KIF26B: variants seen among roughly 807,000 people sequenced by gnomAD.
The protein encoded by KIF26B is kinesin-like protein KIF26B.
A neutral mutation model predicts 151.2 loss-of-function variants in KIF26B; 63 were observed. That is an observed-to-expected ratio of 0.42 (90% CI 0.34 to 0.51). The LOEUF is 0.51. KIF26B is among the 20% of genes least tolerant of loss of function. KIF26B has a pLI of 0.07. For missense variants in KIF26B, 2,813 were observed against 2,913.6 expected, an observed-to-expected ratio of 0.97 and a Z score of 0.79; for synonymous variants, 1,357 against 1,262.1, an observed-to-expected ratio of 1.08 and a Z score of -1.59.
rs184225095 is a variant in KIF26B, at chr1:245,563,269, C to T, written c.1350+22319C>T. Among the ~76,000 whole-genome samples, 10 of 152,306 alleles carry T rather than the reference C, an allele frequency of 6.6e-5. No individual in the cohort carries two copies. The highest frequency in any genetic ancestry group is 2.4e-4 in the African/African-American group (10 of 41,562). On this transcript the variant is annotated intron_variant, in intron 5 of 14. Coordinates refer to ENST00000407071, the MANE Select transcript of KIF26B (RefSeq NM_018012.4). The surrounding 1 kb of genome is among the most constrained non-coding windows in gnomAD (Gnocchi z 4.6). ...TTTATCACCGAACAACCTGTTTCCA[C>T]CCATTTCCCTTATTCACTAAACAAC...
intron 4 of KIF26B, among the ~76,000 whole-genome samples, chr1:245,456,811 C>T (rs56310565): frequency 0.031 from 4,672 of 152,320 alleles, 177 homozygotes; most frequent in African/African-American, 0.086. Flanking sequence ...CAGAGCTATG[C>T]ATACCCAAGG....
In KIF26B at chr1:245,156,425, G is replaced by T. The variant is rs1397319080; in HGVS notation, c.207G>T (p.Pro69=). ...CAGCGCTCGGCTCCTCGGGGACCCC[G>T]TCTCCCGGCTCGGGCACCTCGTCCC... ...AGSALGSSGT[P]SPGSGTSSPS... is the part of the protein sequence containing the mutation. The change falls in exon 2 of 15, where the codon CCG becomes CCT. Residue 69 remains proline, a synonymous_variant. Transcript: ENST00000407071. 1 of 1,529,288 alleles carries T rather than the reference G, an allele frequency of 6.5e-7. No homozygotes were observed. The highest frequency in any genetic ancestry group is 1.2e-5 in the South Asian group (1 of 82,974). 94.7% of individuals were successfully genotyped at this position (1,529,288 alleles called of 1,614,324 possible). A position where few individuals can be genotyped will look rare whatever the true frequency, so the allele number is the denominator to read the frequency against.
In KIF26B at chr1:245,390,938, A is replaced by ACAAAACAAAACAAAACAAAAC. The variant is rs1352654367; in HGVS notation, c.999+23571_999+23572insCAAAACAAAACAAAACAAAAC. Among the ~76,000 whole-genome samples the ACAAAACAAAACAAAACAAAAC allele has an allele frequency of 9.2e-3, 883 of 95,990 alleles. 47 individuals are homozygous for ACAAAACAAAACAAAACAAAAC. Among genetic ancestry groups the ACAAAACAAAACAAAACAAAAC allele is most frequent in the African/African-American group, 0.071 (822 of 11,592 alleles). 63.0% of individuals were successfully genotyped at this position (95,990 alleles called of 152,430 possible). On this transcript the variant is annotated intron_variant, in intron 3 of 14. Transcript: ENST00000407071. ...CCCTGTCTCAAAAAAAAAAAAAAAA[A>ACAAAACAAAACAAAACAAAAC]AAAAAAAAAAAAAACCACCATAAAA...
intron 2 of KIF26B, among the ~76,000 whole-genome samples, chr1:245,331,492 TC>T (rs1672114733): frequency 6.6e-6 from 1 of 152,214 alleles, no homozygotes; most frequent in Non-Finnish European, 1.5e-5. Context: ...TGCCAGAACA[TC>T]GCGTCCACCC....
chr1:245,658,201 C>T (rs1414715307), intron 10 of KIF26B, among the ~76,000 whole-genome samples: 3 of 152,322 alleles, frequency 2.0e-5, no homozygotes, highest in East Asian at 1.9e-4. Flanking sequence ...CATCTTGATG[C>T]GCACAGCTAC....
intron 2 of KIF26B, among the ~76,000 whole-genome samples, chr1:245,355,595 C>CAAAAAA (rs34799952): frequency 1.3e-5 from 1 of 74,848 alleles, no homozygotes. Context: ...GACCCTGTCT[C>CAAAAAA]AAAAAAAAAA....
At chr1:245,197,497 A>T (rs75853447) in intron 2 of KIF26B, among the ~76,000 whole-genome samples, 1,558 of 152,176 alleles carry the variant, frequency 0.01, 37 homozygotes, top group African/African-American at 0.036. Flanking sequence ...TTTTACACAC[A>T]TCACACACAC....
intron 5 of KIF26B, among the ~76,000 whole-genome samples, chr1:245,591,927 G>A (rs1240545044): frequency 1.3e-5 from 2 of 152,186 alleles, no homozygotes; most frequent in Non-Finnish European, 2.9e-5. Context: ...GCCTCACGGG[G>A]AAGGGCTTTC....
At chr1:245,490,469 G>A (rs1173644929) in intron 4 of KIF26B, among the ~76,000 whole-genome samples, 7 of 151,780 alleles carry the variant, frequency 4.6e-5, no homozygotes, top group East Asian at 1.9e-4. Flanking sequence ...ACACCACCAC[G>A]TCCAGCTAAT....
intron 10 of KIF26B, among the ~76,000 whole-genome samples, chr1:245,657,275 A>G (rs12027003): frequency 0.58 from 88,572 of 151,814 alleles, 26,116 homozygotes; most frequent in Middle Eastern, 0.64. Flanking sequence ...CTTTCAAACC[A>G]CTTATCAAGG....
intron 2 of KIF26B, among the ~76,000 whole-genome samples, chr1:245,196,302 T>C (rs4658447): frequency 0.42 from 64,148 of 152,014 alleles, 14,146 homozygotes; most frequent in East Asian, 0.75. Flanking sequence ...TCTAAGCTTC[T>C]ACCTGGGCTC....
intron 2 of KIF26B, among the ~76,000 whole-genome samples, chr1:245,343,735 G>A (rs1231856783): frequency 6.6e-6 from 1 of 152,166 alleles, no homozygotes; most frequent in Non-Finnish European, 1.5e-5. Flanking sequence ...ATATATTTGG[G>A]CGTGAGATGT....
At chr1:245,439,947 T>C (rs192699671) in intron 4 of KIF26B, among the ~76,000 whole-genome samples, 12 of 152,204 alleles carry the variant, frequency 7.9e-5, no homozygotes, top group South Asian at 4.2e-4. Flanking sequence ...ACAGGCCAGG[T>C]GCGGTGGCTC....
chr1:245,471,229 C>T (rs1329289244), intron 4 of KIF26B, among the ~76,000 whole-genome samples: 1 of 151,934 alleles, frequency 6.6e-6, no homozygotes, highest in African/African-American at 2.4e-5. Context: ...CTCCCAGGTT[C>T]GTGCAGTTCT....
chr1:245,552,954 G>T (rs367625153), intron 5 of KIF26B, among the ~76,000 whole-genome samples: 1 of 152,174 alleles, frequency 6.6e-6, no homozygotes, highest in Admixed American at 6.5e-5. Flanking sequence ...GTGCGGGGAG[G>T]CAGGGGCTTG....
intron 14 of KIF26B, 32 bp downstream of exon 14, chr1:245,699,069 C>G (rs767478495): frequency 4.4e-6 from 7 of 1,602,124 alleles, no homozygotes; most frequent in East Asian, 2.2e-5. Context: ...ACCCTTGTGA[C>G]TAGTGGGTTC....
intron 5 of KIF26B, among the ~76,000 whole-genome samples, chr1:245,561,530 C>T (rs1263370074): frequency 6.6e-6 from 1 of 152,224 alleles, no homozygotes; most frequent in African/African-American, 2.4e-5. Flanking sequence ...GGGCTGGGTA[C>T]TGAGTACTGT....
intron 3 of KIF26B, among the ~76,000 whole-genome samples, chr1:245,368,267 A>G (rs1020831809): frequency 1.3e-5 from 2 of 152,200 alleles, no homozygotes; most frequent in African/African-American, 4.8e-5. Context: ...TAGAAATAAA[A>G]CACAGGTCTT....
At chr1:245,176,093 G>A (rs1211780744) in intron 2 of KIF26B, among the ~76,000 whole-genome samples, 2 of 151,886 alleles carry the variant, frequency 1.3e-5, no homozygotes, top group Admixed American at 6.6e-5. Flanking sequence ...TCTGCCTCCC[G>A]GGTTCAAGCG....
Sources: allele counts gnomAD v4.1 joint callset (sites outside exome capture counted in the v4.1 genomes callset), GRCh38; gene constraint gnomAD v4.1.1; non-coding constraint Gnocchi (gnomAD v3.1); transcripts MANE v1.5; gene names NCBI Gene and HGNC (gene_info 2026-07-23, HGNC 2026-07-21).